The following SLC25A31 variants were observed in gnomAD, a reference collection of about 807,000 sequenced individuals.
SLC25A31 encodes solute carrier family 25 member 31, also known as ADP/ATP translocase 4.
Under a neutral mutation model 36.2 loss-of-function variants are expected in SLC25A31, and 40 were observed. The observed-to-expected ratio is 1.10, with a 90% CI of 0.86 to 1.44. The LOEUF (loss-of-function observed/expected upper bound fraction) is 1.44, where lower values mean the gene tolerates loss of function less well. Among genes scored for constraint, SLC25A31 ranks in the 40% most tolerant of loss-of-function variants. SLC25A31 has a pLI of 0.00. For synonymous variants in SLC25A31, 143 were observed against 149.7 expected (o/e 0.96, Z 0.32); for missense variants, 350 against 397.1 (o/e 0.88, Z 1.01).
chr4:127,731,371 C>CT (rs1431035958), intron 1 of SLC25A31, among the ~76,000 whole-genome samples: 2 of 149,904 alleles, frequency 1.3e-5, no homozygotes, highest in African/African-American at 4.9e-5. Flanking sequence ...CAAGGGGGCC[C>CT]TAAAAAAAAA....
chr4:127,759,388 T>A (rs1732087286), intron 2 of SLC25A31, among the ~76,000 whole-genome samples: 1 of 152,136 alleles, frequency 6.6e-6, no homozygotes, highest in Non-Finnish European at 1.5e-5. Flanking sequence ...GGGAGGCATA[T>A]CTTGGGTTTT....
chr4:127,740,684 G>A (rs1392272037), intron 1 of SLC25A31, among the ~76,000 whole-genome samples: 1 of 152,176 alleles, frequency 6.6e-6, no homozygotes, highest in East Asian at 1.9e-4. Flanking sequence ...TGGCAAGTAG[G>A]TACTCTGCCT....
rs747411918 is a variant in SLC25A31 at position 127,764,195 on chromosome 4, AG to A, written c.361-47del. The A allele has an allele frequency of 2.7e-6, 4 of 1,462,578 alleles. No homozygotes were observed. In the South Asian group the frequency reaches 4.8e-5, roughly 17 times the overall value. The allele number at this position is 1,462,578 out of a possible 1,614,324, so 90.6% of individuals were successfully genotyped here. A position where few individuals can be genotyped will look rare whatever the true frequency, so the allele number is the denominator to read the frequency against. On this transcript the variant is annotated intron_variant, in intron 2 of 5. Coordinates refer to ENST00000281154, the MANE Select transcript of SLC25A31 (RefSeq NM_031291.4). The stretch of plus-strand genomic sequence containing the variant: ...TAAGAATTTACCAGGTATTTTAAAC[AG>A]TTAGATTCTGTGGTTTAATAACCAC...
chr4:127,766,384 T>C (rs1427323148), intron 3 of SLC25A31, among the ~76,000 whole-genome samples: 1 of 152,070 alleles, frequency 6.6e-6, no homozygotes, highest in Non-Finnish European at 1.5e-5. Context: ...CCCAGGCTGG[T>C]CTTGAACTCC....
chr4:127,734,018 T>A lies in SLC25A31; in HGVS notation c.232+3241T>A, dbSNP rs566270917. The stretch of plus-strand genomic sequence containing the variant: ...TGTTGTTCTTAAAGATTTATTATAT[T>A]CTTTAGTTGGTTTTATCACCTGCCA... On this transcript the variant is annotated intron_variant, in intron 1 of 5. Transcript: ENST00000281154. 6.9e-4 allele frequency among the ~76,000 whole-genome samples: 105 copies of A among 152,370 alleles called. 1 individual carries two copies. In the South Asian group the frequency reaches 0.02, roughly 29 times the overall value.
Position 127,730,753 on chromosome 4 carries a change from C to G in SLC25A31, c.208C>G (p.Leu70Val), listed in dbSNP as rs764895443. 49 of 1,612,446 alleles carry G rather than the reference C, an allele frequency of 3.0e-5. No homozygotes were observed. The highest frequency in any genetic ancestry group is 4.1e-5 in the Non-Finnish European group (48 of 1,179,076). ...GCGGTACAAAGGCATGGTGGACTGC[C>G]TGGTGCGGATTCCTCGCGAGCAGGG... is the stretch of plus-strand genomic sequence containing the variant. ...EARYKGMVDCLVRIPREQGFF... is the reference protein window; with the variant it reads ...EARYKGMVDCVVRIPREQGFF... Residue 70 changes from leucine (L) to valine (V), a missense_variant, in exon 1 of 6, where the codon CTG (leucine) becomes GTG (valine). By Grantham distance (32) the Leu-to-Val change is conservative (BLOSUM62 1). Coordinates refer to ENST00000281154, the MANE Select transcript of SLC25A31 (RefSeq NM_031291.4).
intron 2 of SLC25A31, among the ~76,000 whole-genome samples, chr4:127,751,560 A>G (rs1731933325): frequency 6.6e-6 from 1 of 152,254 alleles, no homozygotes; most frequent in African/African-American, 2.4e-5. Context: ...ACACAAGCCA[A>G]AATTGACAAA....
intron 1 of SLC25A31, among the ~76,000 whole-genome samples, chr4:127,739,130 C>T (rs1731687629): frequency 6.6e-6 from 1 of 152,116 alleles, no homozygotes; most frequent in African/African-American, 2.4e-5. Context: ...AGGTTTTGAT[C>T]ATATTGTGAA....
chr4:127,747,079 C>A (rs1016025908), intron 2 of SLC25A31, among the ~76,000 whole-genome samples: 2 of 152,052 alleles, frequency 1.3e-5, no homozygotes, highest in African/African-American at 2.4e-5. Context: ...GATTAGATGA[C>A]TGTAGATGTG....
At chr4:127,764,175 A>ACC in intron 2 of SLC25A31, 68 bp from the exon 3 acceptor site, 1 of 1,333,912 alleles carries the variant, frequency 7.5e-7, no homozygotes, top group Non-Finnish European at 1.1e-6. Flanking sequence ...AAAAATAAGA[A>ACC]TTTACCAGGT....
At chr4:127,762,689 C>T (rs1420164190) in intron 2 of SLC25A31, among the ~76,000 whole-genome samples, 3 of 152,016 alleles carry the variant, frequency 2.0e-5, no homozygotes, top group African/African-American at 7.2e-5. Flanking sequence ...GAGGCCTAGG[C>T]AGGCGGATCA....
intron 2 of SLC25A31, among the ~76,000 whole-genome samples, chr4:127,748,885 G>T (rs1449912510): frequency 6.6e-6 from 1 of 152,062 alleles, no homozygotes; most frequent in Non-Finnish European, 1.5e-5. Context: ...GGCAACCAGG[G>T]CATCACCAAA....
chr4:127,767,030 A>G, intron 3 of SLC25A31, 36 bp from the exon 4 acceptor site: 1 of 1,566,576 alleles, frequency 6.4e-7, no homozygotes, highest in East Asian at 2.3e-5. Flanking sequence ...TTGGATATAT[A>G]ATGTTGCTAA....
chr4:127,773,948 T>C lies in SLC25A31; in HGVS notation c.*374T>C, dbSNP rs1732418790. On this transcript the variant is annotated 3_prime_UTR_variant, in exon 6 of 6. Transcript: ENST00000281154. Reference sequence around the variant, plus strand: ...ATTTAATATACCTGTTTTCCCATCTTTTGAAGTCATATGGTATGACATATT... The same window carrying C: ...ATTTAATATACCTGTTTTCCCATCTCTTGAAGTCATATGGTATGACATATT... The C allele has an allele frequency of 6.2e-6, 1 of 160,406 alleles. No homozygotes were observed. 9.9% of individuals were successfully genotyped at this position (160,406 alleles called of 1,614,324 possible).
intron 2 of SLC25A31, among the ~76,000 whole-genome samples, chr4:127,759,381 A>G (rs1732087130): frequency 6.6e-6 from 1 of 151,900 alleles, no homozygotes; most frequent in Non-Finnish European, 1.5e-5. Context: ...AGGGTTTGGG[A>G]GGCATATCTT....
chr4:127,736,876 A>T (rs917353251), intron 1 of SLC25A31, among the ~76,000 whole-genome samples: 1 of 152,250 alleles, frequency 6.6e-6, no homozygotes, highest in Non-Finnish European at 1.5e-5. Context: ...ATAATTTGGG[A>T]TAAACTTGCA....
At chr4:127,753,889 A>G (rs369888830) in intron 2 of SLC25A31, among the ~76,000 whole-genome samples, 1 of 152,130 alleles carries the variant, frequency 6.6e-6, no homozygotes, top group Admixed American at 6.5e-5. Flanking sequence ...CAGCGTCCCT[A>G]GTGAACAAAC....
chr4:127,735,583 A>G (rs1313389648), intron 1 of SLC25A31, among the ~76,000 whole-genome samples: 5 of 152,156 alleles, frequency 3.3e-5, no homozygotes, highest in African/African-American at 7.2e-5. Context: ...TGTCCCCAGT[A>G]GGCACAAAAT....
Position 127,768,927 on chromosome 4 carries a change from A to T in SLC25A31, c.759+50A>T, listed in dbSNP as rs573155910. ...CTTAGTTGAGTTTTTAATATCTCTG[A>T]TATTTAGGTATAATCAAATTTAAGA... On this transcript the variant is annotated intron_variant, in intron 5 of 5. Coordinates refer to ENST00000281154, the MANE Select transcript of SLC25A31 (RefSeq NM_031291.4). 7.4e-6 allele frequency: 11 copies of T among 1,484,970 alleles called. No homozygotes were observed. The South Asian group carries it at 1.2e-4, about 17-fold the overall frequency. The allele number at this position is 1,484,970 out of a possible 1,614,324, so 92.0% of individuals were successfully genotyped here.
Sources: gnomAD v4.1 joint callset for allele counts (sites outside exome capture counted in the v4.1 genomes callset) on GRCh38, gnomAD v4.1.1 for gene constraint, MANE v1.5 for transcripts, NCBI Gene and HGNC (gene_info 2026-07-23, HGNC 2026-07-21) for gene names.